The following KCNIP1 variants were observed in gnomAD, a reference collection of about 807,000 sequenced individuals.
The protein encoded by KCNIP1 is A-type potassium channel modulatory protein KCNIP1.
Under a neutral mutation model 33.0 loss-of-function variants are expected in KCNIP1, and 18 were observed. That is an observed-to-expected ratio of 0.55 (90% CI 0.38 to 0.81). KCNIP1 has a LOEUF of 0.81. KCNIP1 is among the 30% of genes least tolerant of loss of function. The probability of loss-of-function intolerance (pLI) is 0.00; values close to 1 mark genes in which losing one functional copy is unlikely to be tolerated. For synonymous variants in KCNIP1, 93 were observed against 98.3 expected (o/e 0.95, Z 0.32); for missense variants, 238 against 271.6 (o/e 0.88, Z 0.87).
intron 1 of KCNIP1, among the ~76,000 whole-genome samples, chr5:170,495,627 C>G (rs1353335270): frequency 1.3e-5 from 2 of 152,210 alleles, no homozygotes; most frequent in Admixed American, 6.5e-5. Flanking sequence ...AAGGGCAAAC[C>G]CCTCTTGCTC....
intron 1 of KCNIP1, among the ~76,000 whole-genome samples, chr5:170,565,504 G>A (rs928398043): frequency 6.6e-6 from 1 of 152,108 alleles, no homozygotes; most frequent in Non-Finnish European, 1.5e-5. Flanking sequence ...AAGACACTCT[G>A]TTCTTCTCTA....
chr5:170,495,810 T>A (rs913065857), intron 1 of KCNIP1, among the ~76,000 whole-genome samples: 1 of 152,220 alleles, frequency 6.6e-6, no homozygotes, highest in Non-Finnish European at 1.5e-5. Context: ...ATCTCAGTTG[T>A]ATGTGGCCTC....
At chr5:170,690,081 C>T (rs1446736280) in intron 1 of KCNIP1, among the ~76,000 whole-genome samples, 1 of 152,154 alleles carries the variant, frequency 6.6e-6, no homozygotes, top group African/African-American at 2.4e-5. Context: ...CACACACATC[C>T]CTACTGCCCC....
chr5:170,434,445 G>C (rs1322674413), intron 1 of KCNIP1, among the ~76,000 whole-genome samples: 1 of 152,186 alleles, frequency 6.6e-6, no homozygotes, highest in East Asian at 1.9e-4. Flanking sequence ...CAATCGGGTG[G>C]CATCCTGGAT....
At chr5:170,592,340 C>T (rs1204617733) in intron 1 of KCNIP1, among the ~76,000 whole-genome samples, 1 of 147,920 alleles carries the variant, frequency 6.8e-6, no homozygotes, top group African/African-American at 2.7e-5. Context: ...TTCTAACTCC[C>T]CAATGAGGTG....
chr5:170,610,878 C>T (rs542924814), intron 1 of KCNIP1, among the ~76,000 whole-genome samples: 2 of 152,302 alleles, frequency 1.3e-5, no homozygotes, highest in Non-Finnish European at 2.9e-5. Flanking sequence ...GATTATTGTT[C>T]AGATGCATAT....
In KCNIP1 at chr5:170,576,677, A is replaced by G. The variant is rs570835734; in HGVS notation, c.61+72044A>G. On this transcript the variant is annotated intron_variant, in intron 1 of 7. Coordinates refer to ENST00000328939, the MANE Select transcript of KCNIP1 (RefSeq NM_014592.4). ...TCCACTAAAGTGGGGACAAATGAGT[A>G]TTACAAATGAGACCATTAAATAAGA... is the stretch of plus-strand genomic sequence containing the variant. Among the ~76,000 whole-genome samples the G allele has an allele frequency of 4.6e-5, 7 of 152,344 alleles. No homozygotes were observed. In the South Asian group the frequency reaches 1.5e-3, roughly 32 times the overall value.
At chr5:170,713,348 T>A (rs141776567) in intron 1 of KCNIP1, among the ~76,000 whole-genome samples, 2 of 152,120 alleles carry the variant, frequency 1.3e-5, no homozygotes, top group Admixed American at 1.3e-4. Context: ...CAGTGAGGAG[T>A]AGGCTATGTG....
At chr5:170,460,028 A>C (rs565849398) in intron 1 of KCNIP1, among the ~76,000 whole-genome samples, 1 of 152,314 alleles carries the variant, frequency 6.6e-6, no homozygotes, top group South Asian at 2.1e-4. Context: ...AAACCACAGA[A>C]ATACAAGAGA....
chr5:170,361,704 G>A (rs1360338432), intron 1 of KCNIP1, among the ~76,000 whole-genome samples: 1 of 152,172 alleles, frequency 6.6e-6, no homozygotes, highest in Non-Finnish European at 1.5e-5. Flanking sequence ...TAGCACTGTG[G>A]ACTTCTCGTG....
rs550575296 is a variant in KCNIP1, at chr5:170,546,075, A to G, written c.61+41442A>G. ...TTAAGAGGATTGCAGTTTGAGAAAGACTGAATCGACCACCTCTGGCTTTTC... is the reference window on the plus strand; with the variant it reads ...TTAAGAGGATTGCAGTTTGAGAAAGGCTGAATCGACCACCTCTGGCTTTTC... On this transcript the variant is annotated intron_variant, in intron 1 of 7. Transcript: ENST00000328939. Among the ~76,000 whole-genome samples, 74 of 152,328 alleles carry G rather than the reference A, an allele frequency of 4.9e-4. 1 individual carries two copies. The highest frequency in any genetic ancestry group is 1.8e-3 in the African/African-American group (73 of 41,570).
At position 170,718,814 on chromosome 5, in the gene KCNIP1, G is replaced by A; in HGVS notation, c.118G>A (p.Glu40Lys). 1 of 1,610,482 alleles carries A rather than the reference G, an allele frequency of 6.2e-7. No homozygotes were observed. The highest frequency in any genetic ancestry group is 8.5e-7 in the Non-Finnish European group (1 of 1,178,904). Residue 40 changes from glutamate (E) to lysine (K), a missense_variant, in exon 2 of 8, where the codon GAG becomes AAG. Transcript: ENST00000328939. ...GGTTTGCCATCGGCCCGAGGGACTGGAGCAGCTCGAGGCCCAGACCAACTT... is the reference window on the plus strand; with the variant it reads ...GGTTTGCCATCGGCCCGAGGGACTGAAGCAGCTCGAGGCCCAGACCAACTT... The part of the protein sequence containing the change: ...TMVCHRPEGL[E>K]QLEAQTNFTK...
Position 170,489,010 on chromosome 5 carries a change from G to T in KCNIP1, c.88+135046G>T, listed in dbSNP as rs918134294. Among the ~76,000 whole-genome samples the T allele has an allele frequency of 6.6e-6, 1 of 152,148 alleles. No homozygotes were observed. The highest frequency in any genetic ancestry group is 2.1e-4 in the South Asian group (1 of 4,822). ...GCAGAGCTGAGCCAAGCAGGTAAGA[G>T]TACTGACCCCGAGCCCACTCGGGCT... On this transcript the variant is annotated intron_variant, in intron 1 of 7. Coordinates refer to the KCNIP1 transcript ENST00000377360. This position sits in a 1 kb window ranked among gnomAD's most constrained non-coding sequence, Gnocchi z 4.3.
chr5:170,367,401 G>GAAAGA (rs1356886603), intron 1 of KCNIP1, among the ~76,000 whole-genome samples: 1 of 121,064 alleles, frequency 8.3e-6, no homozygotes, highest in African/African-American at 3.4e-5. Context: ...AAGAAAGAAA[G>GAAAGA]AAAGAAAGAA....
chr5:170,541,613 C>A (rs938143794), intron 1 of KCNIP1, among the ~76,000 whole-genome samples: 4 of 152,230 alleles, frequency 2.6e-5, no homozygotes, highest in African/African-American at 9.7e-5. Flanking sequence ...CTTCTCAGAG[C>A]AGTGGCAGAA....
chr5:170,591,346 G>A lies in KCNIP1; in HGVS notation c.61+86713G>A, dbSNP rs1758252238. Among the ~76,000 whole-genome samples, 5 of 148,024 alleles carry A rather than the reference G, an allele frequency of 3.4e-5. No homozygotes were observed. The South Asian group carries it at 1.1e-3, about 33-fold the overall frequency. ...TATTCTCAGGACTTGGACAGCGGTGGAAGCTCTACTTAGCTTGCTGAAGAG... is the reference window on the plus strand; with the variant it reads ...TATTCTCAGGACTTGGACAGCGGTGAAAGCTCTACTTAGCTTGCTGAAGAG... On this transcript the variant is annotated intron_variant, in intron 1 of 7. Transcript: ENST00000328939.
intron 1 of KCNIP1, among the ~76,000 whole-genome samples, chr5:170,391,392 G>C (rs936060961): frequency 6.6e-6 from 1 of 152,184 alleles, no homozygotes; most frequent in Non-Finnish European, 1.5e-5. Flanking sequence ...ACAGGGAAGG[G>C]GGGCCGTGGG....
intron 1 of KCNIP1, among the ~76,000 whole-genome samples, chr5:170,698,234 A>G (rs555400978): frequency 2.0e-5 from 3 of 152,292 alleles, no homozygotes; most frequent in East Asian, 3.9e-4. Context: ...GTTAGATCAC[A>G]GCCACTGTCT....
chr5:170,528,378 G>T (rs1361273559), intron 1 of KCNIP1, among the ~76,000 whole-genome samples: 2 of 152,192 alleles, frequency 1.3e-5, no homozygotes, highest in Non-Finnish European at 2.9e-5. Context: ...GCAAAGCACT[G>T]CAGGCCAGAC....
Sources: gnomAD v4.1 joint callset for allele counts (sites outside exome capture counted in the v4.1 genomes callset) on GRCh38, gnomAD v4.1.1 for gene constraint, Gnocchi (gnomAD v3.1) non-coding constraint, MANE v1.5 for transcripts, NCBI Gene and HGNC (gene_info 2026-07-23, HGNC 2026-07-21) for gene names.